CCSER1: variants seen among roughly 807,000 people sequenced by gnomAD.
CCSER1 encodes the protein serine-rich coiled-coil domain-containing protein 1.
Under a neutral mutation model 82.0 loss-of-function variants are expected in CCSER1, and 41 were observed. The observed-to-expected ratio is 0.50, with a 90% CI of 0.39 to 0.65. The LOEUF is 0.65. Among genes scored for constraint, CCSER1 ranks in the 30% least tolerant of loss-of-function variants. The pLI, the probability that CCSER1 is intolerant of heterozygous loss-of-function variation, is 0.00. For synonymous variants in CCSER1, 414 were observed against 383.9 expected, an observed-to-expected ratio of 1.08 and a Z score of -0.92; for missense variants, 1,119 against 1,064.2, an observed-to-expected ratio of 1.05 and a Z score of -0.72.
intron 10 of CCSER1, among the ~76,000 whole-genome samples, chr4:91,338,708 A>G (rs774525600): frequency 2.0e-5 from 3 of 152,186 alleles, no homozygotes; most frequent in Non-Finnish European, 4.4e-5. Context: ...ACATTAAGTA[A>G]TTTACTTCAC....
At chr4:91,427,407 A>T (rs1314282807) in intron 10 of CCSER1, among the ~76,000 whole-genome samples, 2 of 152,156 alleles carry the variant, frequency 1.3e-5, no homozygotes, top group East Asian at 3.8e-4. Flanking sequence ...GTATGTCAAG[A>T]ATTACAAACT....
At chr4:90,723,046 A>G (rs1742952650) in intron 6 of CCSER1, among the ~76,000 whole-genome samples, 1 of 151,948 alleles carries the variant, frequency 6.6e-6, no homozygotes, top group South Asian at 2.1e-4. Context: ...TATATTTAGA[A>G]ACCAAGCTGA....
At chr4:91,577,805 A>G (rs1447815333) in intron 10 of CCSER1, among the ~76,000 whole-genome samples, 1 of 151,772 alleles carries the variant, frequency 6.6e-6, no homozygotes, top group African/African-American at 2.4e-5. Flanking sequence ...AAATGACTTA[A>G]GCAATAATTA....
chr4:90,324,802 A>C (rs1737836325), intron 3 of CCSER1, among the ~76,000 whole-genome samples: 1 of 152,250 alleles, frequency 6.6e-6, no homozygotes, highest in Admixed American at 6.5e-5. Context: ...TTATGGTTTT[A>C]GGTCTAAAGT....
intron 4 of CCSER1, among the ~76,000 whole-genome samples, chr4:90,424,352 A>G (rs965697494): frequency 6.6e-6 from 1 of 152,202 alleles, no homozygotes; most frequent in Non-Finnish European, 1.5e-5. Context: ...AATTGTGAAC[A>G]GCCTCCATTT....
chr4:90,228,379 G>A (rs935912652), intron 1 of CCSER1, among the ~76,000 whole-genome samples: 27 of 152,040 alleles, frequency 1.8e-4, no homozygotes, highest in Non-Finnish European at 2.5e-4. Flanking sequence ...ACCTCACAGG[G>A]CTGGGTACTC....
At position 90,781,205 on chromosome 4, in the gene CCSER1, G is replaced by C. The variant is rs915710010; in HGVS notation, c.2011-34557G>C. 8.6e-6 allele frequency: 8 copies of C among 929,456 alleles called. No homozygotes were observed. In the Middle Eastern group the frequency reaches 1.6e-3, roughly 189 times the overall value. The allele number at this position is 929,456 out of a possible 1,614,324, so 57.6% of individuals were successfully genotyped here. ...GGGATCACAACTCGACATGAGATTT[G>C]AGCAGAGACAAATTTCCAAACTATA... On this transcript the variant is annotated intron_variant, in intron 7 of 10. Transcript: ENST00000509176.
intron 10 of CCSER1, among the ~76,000 whole-genome samples, chr4:91,380,715 G>T (rs1180971796): frequency 7.2e-5 from 11 of 152,158 alleles, no homozygotes; most frequent in Non-Finnish European, 1.2e-4. Context: ...GCCAGTGTGT[G>T]TCTTTTAATT....
At chr4:90,935,958 T>G (rs1730878379) in intron 9 of CCSER1, among the ~76,000 whole-genome samples, 3 of 152,116 alleles carry the variant, frequency 2.0e-5, no homozygotes, top group Admixed American at 6.5e-5. Context: ...TATTTTTGTT[T>G]ATCTCTTTTT....
intron 6 of CCSER1, among the ~76,000 whole-genome samples, chr4:90,672,349 G>C (rs972915175): frequency 6.6e-6 from 1 of 151,994 alleles, no homozygotes; most frequent in African/African-American, 2.4e-5. Flanking sequence ...TCACTTTTAT[G>C]TTATGGCTTC....
At chr4:90,838,471 AAT>A (rs1762090160) in intron 8 of CCSER1, among the ~76,000 whole-genome samples, 1 of 146,948 alleles carries the variant, frequency 6.8e-6, no homozygotes, top group Non-Finnish European at 1.5e-5. Context: ...TTTAAATATA[AAT>A]ATTTCATAAT....
At chr4:91,084,183 G>T (rs1272795200) in intron 9 of CCSER1, among the ~76,000 whole-genome samples, 1 of 151,946 alleles carries the variant, frequency 6.6e-6, no homozygotes, top group Non-Finnish European at 1.5e-5. Flanking sequence ...CCACCTGCCT[G>T]TGCCTCCCAA....
Position 90,571,022 on chromosome 4 carries a change from C to T in CCSER1, c.1725-57003C>T, listed in dbSNP as rs535981823. Among the ~76,000 whole-genome samples, 15 of 151,988 alleles carry T rather than the reference C, an allele frequency of 9.9e-5. 1 individual carries two copies. The South Asian group carries it at 3.1e-3, about 32-fold the overall frequency. The stretch of plus-strand genomic sequence containing the variant: ...TAATCAGAGAAATGCAAATCAAAAC[C>T]ACAATGAGATACCATCTCACACCAG... On this transcript the variant is annotated intron_variant, in intron 5 of 10. Coordinates refer to ENST00000509176, the MANE Select transcript of CCSER1 (RefSeq NM_001145065.2).
intron 4 of CCSER1, among the ~76,000 whole-genome samples, chr4:90,420,075 C>A (rs1431104095): frequency 6.6e-6 from 1 of 151,858 alleles, no homozygotes; most frequent in African/African-American, 2.4e-5. Context: ...AGTATGGGGA[C>A]CATGATATTC....
chr4:90,888,031 TAAAATGAC>T (rs1722412545), intron 8 of CCSER1, among the ~76,000 whole-genome samples: 1 of 152,080 alleles, frequency 6.6e-6, no homozygotes, highest in Non-Finnish European at 1.5e-5. Flanking sequence ...CATGTAAAAA[TAAAATGAC>T]AAAATAAGTT....
At chr4:90,282,488 A>C (rs964742847) in intron 1 of CCSER1, among the ~76,000 whole-genome samples, 3 of 151,368 alleles carry the variant, frequency 2.0e-5, no homozygotes, top group Non-Finnish European at 3.0e-5. Flanking sequence ...GTTAATTTCT[A>C]TAATGCAATC....
chr4:90,468,291 C>G lies in CCSER1; in HGVS notation c.1661C>G (p.Pro554Arg). The G allele has an allele frequency of 1.9e-6, 3 of 1,608,808 alleles. No homozygotes were observed. ...VVSCAAVVLT[P>R]MEPMIEMKKR... ...TCATGTGCCGCAGTAGTTCTTACTC[C>G]TATGGAACCAATGATAGAAATGAAG... Residue 554 changes from proline (P) to arginine (R), a missense_variant, in exon 5 of 11, where the codon CCT becomes CGT. By Grantham distance (103) the Pro-to-Arg change is moderately radical (BLOSUM62 -2). Transcript: ENST00000509176.
At chr4:91,328,331 G>T (rs547599889) in intron 10 of CCSER1, among the ~76,000 whole-genome samples, 1 of 152,288 alleles carries the variant, frequency 6.6e-6, no homozygotes, top group South Asian at 2.1e-4. Context: ...CATGGCCAAA[G>T]GTAAAGGGGA....
In CCSER1 at chr4:91,038,184, T is replaced by A. The variant is rs151252861; in HGVS notation, c.2173-47766T>A. 3.1e-3 allele frequency among the ~76,000 whole-genome samples: 469 copies of A among 152,324 alleles called. 1 individual carries two copies. Among genetic ancestry groups the A allele is most frequent in the African/African-American group, 0.011 (453 of 41,586 alleles). On this transcript the variant is annotated intron_variant, in intron 9 of 10. Coordinates refer to ENST00000509176, the MANE Select transcript of CCSER1 (RefSeq NM_001145065.2). ...TAATTGCTTCTGTGTACATGAGCAG[T>A]AAGTACTGACTGTCCTTGTTAAACA...
Sources: gnomAD v4.1 joint callset for allele counts (sites outside exome capture counted in the v4.1 genomes callset) on GRCh38, gnomAD v4.1.1 for gene constraint, MANE v1.5 for transcripts, NCBI Gene and HGNC (gene_info 2026-07-23, HGNC 2026-07-21) for gene names.